CAAP1: variants seen among roughly 807,000 people sequenced by gnomAD.
CAAP1 encodes caspase activity and apoptosis inhibitor 1, also known as conserved anti-apoptotic protein.
CAAP1 carries 20 observed loss-of-function variants against 34.0 expected under a neutral mutation model. That is an observed-to-expected ratio of 0.59 (90% confidence interval 0.41 to 0.86). CAAP1 has a LOEUF of 0.86. CAAP1 is among the 40% of genes least tolerant of loss of function. The pLI is 0.00. For missense variants in CAAP1, 538 were observed against 450.5 expected, an observed-to-expected ratio of 1.19 and a Z score of -1.76; for synonymous variants, 213 against 166.7, an observed-to-expected ratio of 1.28 and a Z score of -2.14.
chr9:26,861,028 G>C lies in CAAP1; in HGVS notation c.739+38C>G, dbSNP rs529556369. On this transcript the variant is annotated intron_variant, in intron 5 of 5. Coordinates refer to ENST00000333916, the MANE Select transcript of CAAP1 (RefSeq NM_024828.4). ...TTTGGTAAAATGCTTCTATTCTTCAGGTAAATTTTATACAATAATCAAGTA... is the reference window on the plus strand; with the variant it reads ...TTTGGTAAAATGCTTCTATTCTTCACGTAAATTTTATACAATAATCAAGTA... 5.1e-5 allele frequency: 72 copies of C among 1,406,654 alleles called. 1 individual carries two copies. The South Asian group carries it at 8.3e-4, about 16-fold the overall frequency. The allele number at this position is 1,406,654 out of a possible 1,614,324, so 87.1% of individuals were successfully genotyped here. A position where few individuals can be genotyped will look rare whatever the true frequency, so the allele number is the denominator to read the frequency against.
Position 26,842,409 on chromosome 9 carries a change from T to C in CAAP1, c.978A>G (p.Pro326=). Reference sequence around the variant, plus strand: ...GCTGTGCAGAAGGTTGAACATCTTCTGGTGGAGGAACAGCCAGGGTGGCTG... The same window carrying C: ...GCTGTGCAGAAGGTTGAACATCTTCCGGTGGAGGAACAGCCAGGGTGGCTG... ...PKAATLAVPP[P]EDVQPSAQQL... is the part of the protein sequence containing the mutation. The change falls in exon 6 of 6, where the codon CCA becomes CCG. Residue 326 remains proline, a synonymous_variant. Transcript: ENST00000333916. 1 of 1,614,192 alleles carries C rather than the reference T, an allele frequency of 6.2e-7. No individual in the cohort carries two copies. The highest frequency in any genetic ancestry group is 8.5e-7 in the Non-Finnish European group (1 of 1,180,032).
intron 4 of CAAP1, among the ~76,000 whole-genome samples, chr9:26,881,101 A>G (rs12345197): frequency 0.26 from 38,929 of 152,038 alleles, 6,550 homozygotes; most frequent in East Asian, 0.72. Flanking sequence ...TTGAGGCCAC[A>G]AATTCAACAT....
intron 5 of CAAP1, among the ~76,000 whole-genome samples, chr9:26,856,667 A>C (rs948405714): frequency 2.6e-5 from 4 of 152,196 alleles, no homozygotes; most frequent in Non-Finnish European, 5.9e-5. Flanking sequence ...AAGGCAGTCC[A>C]CTGTGTTAGA....
rs548301180 is a variant in CAAP1 at position 26,887,399 on chromosome 9, T to A, written c.418A>T (p.Ile140Leu). ...TVSLKPVSFYISDKKEMLQQC... is the reference protein window; with the variant it reads ...TVSLKPVSFYLSDKKEMLQQC... Reference sequence around the variant, plus strand: ...TGAAGCATTTCTTTTTTGTCTGATATATAGAAACTAACTGGTTTCAATGAC... The same window carrying A: ...TGAAGCATTTCTTTTTTGTCTGATAAATAGAAACTAACTGGTTTCAATGAC... The change falls in exon 2 of 6, where the codon ATA (isoleucine) becomes TTA (leucine). Residue 140 changes from isoleucine (I) to leucine (L), a missense_variant. Around this residue, in one of 3 missense-constraint regions of CAAP1, gnomAD observed 514 missense variants for 408.4 expected, o/e 1.26. Coordinates refer to ENST00000333916, the MANE Select transcript of CAAP1 (RefSeq NM_024828.4). The A allele has an allele frequency of 1.2e-6, 2 of 1,612,892 alleles. No homozygotes were observed. Among genetic ancestry groups the A allele is most frequent in the South Asian group, 1.1e-5 (1 of 90,828 alleles).
chr9:26,867,496 C>G (rs7852554), intron 4 of CAAP1, among the ~76,000 whole-genome samples: 3,377 of 152,232 alleles, frequency 0.022, 126 homozygotes, highest in African/African-American at 0.077. Flanking sequence ...AACTAACATT[C>G]ACAGATTCTA....
chr9:26,864,661 T>C (rs895859949), intron 4 of CAAP1, among the ~76,000 whole-genome samples: 3 of 152,238 alleles, frequency 2.0e-5, no homozygotes, highest in African/African-American at 7.2e-5. Context: ...GGGCTCTGTT[T>C]TATTTTAAAG....
At chr9:26,864,259 T>A (rs1416537943) in intron 4 of CAAP1, among the ~76,000 whole-genome samples, 1 of 152,188 alleles carries the variant, frequency 6.6e-6, no homozygotes, top group Non-Finnish European at 1.5e-5. Context: ...TATAGTTCAA[T>A]GATTTTTTTA....
At chr9:26,862,816 T>C (rs1823034255) in intron 4 of CAAP1, among the ~76,000 whole-genome samples, 1 of 152,188 alleles carries the variant, frequency 6.6e-6, no homozygotes, top group South Asian at 2.1e-4. Context: ...CTCAAGTTGA[T>C]ACTCTGTTAT....
chr9:26,851,724 A>T (rs758818886), intron 5 of CAAP1, among the ~76,000 whole-genome samples: 4 of 152,242 alleles, frequency 2.6e-5, no homozygotes, highest in Non-Finnish European at 5.9e-5. Context: ...ATCAAAAATG[A>T]AAATACCCAA....
chr9:26,876,616 A>G (rs1488766496), intron 4 of CAAP1, among the ~76,000 whole-genome samples: 1 of 151,934 alleles, frequency 6.6e-6, no homozygotes, highest in African/African-American at 2.4e-5. Flanking sequence ...AATACTTACC[A>G]CTGTACCACA....
Position 26,892,426 on chromosome 9 carries a change from C to G in CAAP1, c.290G>C (p.Gly97Ala). The G allele has an allele frequency of 6.2e-7, 1 of 1,604,002 alleles. No individual in the cohort carries two copies. The highest frequency in any genetic ancestry group is 2.2e-5 in the East Asian group (1 of 44,586). ...GCGCGCACGCACCTGCTGCAAGGAG[C>G]CCGAGACGCTGGAAGAGTCGGTACT... ...RRSTDSSSVS[G>A]SLQQETKYIL... The change falls in exon 1 of 6, where the codon GGC becomes GCC. Residue 97 changes from glycine (G) to alanine (A), a missense_variant. Transcript: ENST00000333916.
At chr9:26,876,717 G>A (rs2131329946) in intron 4 of CAAP1, among the ~76,000 whole-genome samples, 1 of 152,194 alleles carries the variant, frequency 6.6e-6, no homozygotes, top group South Asian at 2.1e-4. Context: ...TATGTAGCAG[G>A]CTATAGTTTA....
At chr9:26,881,168 C>A (rs1031688347) in intron 4 of CAAP1, among the ~76,000 whole-genome samples, 13 of 151,820 alleles carry the variant, frequency 8.6e-5, no homozygotes, top group African/African-American at 2.9e-4. Context: ...GAGACAGGGT[C>A]TCACTATGTT....
rs1193513261 is a variant in CAAP1, at chr9:26,841,185, G to C, written c.*1116C>G. 1.3e-5 allele frequency: 2 copies of C among 152,116 alleles called. No homozygotes were observed. Among genetic ancestry groups the C allele is most frequent in the East Asian group, 3.8e-4 (2 of 5,198 alleles). 9.4% of individuals were successfully genotyped at this position (152,116 alleles called of 1,614,324 possible). A position where few individuals can be genotyped will look rare whatever the true frequency, so the allele number is the denominator to read the frequency against. On this transcript the variant is annotated 3_prime_UTR_variant, in exon 6 of 6. Coordinates refer to ENST00000333916, the MANE Select transcript of CAAP1 (RefSeq NM_024828.4). Reference sequence around the variant, plus strand: ...GGAAAGTCCTCATACAGTATCAGTAGACCATGGCTTATAAATAAAATATAC... The same window carrying C: ...GGAAAGTCCTCATACAGTATCAGTACACCATGGCTTATAAATAAAATATAC...
chr9:26,876,513 T>C (rs891994279), intron 4 of CAAP1, among the ~76,000 whole-genome samples: 1 of 150,146 alleles, frequency 6.7e-6, no homozygotes, highest in East Asian at 2.0e-4. Context: ...AAACTTTCTA[T>C]ATAAATGGTC....
intron 2 of CAAP1, among the ~76,000 whole-genome samples, chr9:26,887,069 G>C (rs183789637): frequency 6.6e-6 from 1 of 152,154 alleles, no homozygotes; most frequent in East Asian, 1.9e-4. Context: ...AAAATTAGCC[G>C]GGCATGGTGG....
At chr9:26,843,395 AACTTTGAAT>A (rs1313947091) in intron 5 of CAAP1, among the ~76,000 whole-genome samples, 1 of 152,228 alleles carries the variant, frequency 6.6e-6, no homozygotes, top group Non-Finnish European at 1.5e-5. Flanking sequence ...CATCATTTGC[AACTTTGAAT>A]ACTCACTTAT....
At chr9:26,890,783 A>T (rs572229366) in intron 1 of CAAP1, among the ~76,000 whole-genome samples, 1 of 152,248 alleles carries the variant, frequency 6.6e-6, no homozygotes, top group Admixed American at 6.5e-5. Flanking sequence ...GTCTCTACTG[A>T]AAATACAAAA....
chr9:26,844,055 A>C (rs995778371), intron 5 of CAAP1, among the ~76,000 whole-genome samples: 1 of 152,166 alleles, frequency 6.6e-6, no homozygotes, highest in Non-Finnish European at 1.5e-5. Context: ...ACTTGAGACT[A>C]AAATAGATTT....
Sources: gnomAD v4.1 joint callset for allele counts (sites outside exome capture counted in the v4.1 genomes callset) on GRCh38, gnomAD v4.1.1 for gene constraint, gnomAD v4.1.1 regional missense constraint, MANE v1.5 for transcripts, NCBI Gene and HGNC (gene_info 2026-07-23, HGNC 2026-07-21) for gene names.